The following ATMIN variants were observed in gnomAD, a reference collection of about 807,000 sequenced individuals.
ATMIN encodes the protein ATM INteracting protein.
ATMIN carries 24 observed loss-of-function variants against 49.2 expected under a neutral mutation model. The ratio of observed to expected loss-of-function variants is 0.49; its 90% CI spans 0.35 to 0.69. The LOEUF (loss-of-function observed/expected upper bound fraction) is 0.69. Among genes scored for constraint, ATMIN ranks in the 30% least tolerant of loss-of-function variants. ATMIN has a pLI of 0.00. For synonymous variants in ATMIN, 450 were observed against 392.5 expected, an observed-to-expected ratio of 1.15 and a Z score of -1.73; for missense variants, 1,037 against 1,005.5, an observed-to-expected ratio of 1.03 and a Z score of -0.42.
At position 81,046,217 on chromosome 16, in the gene ATMIN, A is replaced by AG. The variant is rs913509804; in HGVS notation, c.*1248dup. 6.6e-6 allele frequency: 1 copy of AG among 152,178 alleles called. No individual in the cohort carries two copies. Among genetic ancestry groups the AG allele is most frequent in the African/African-American group, 2.4e-5 (1 of 41,432 alleles). The allele number at this position is 152,178 out of a possible 1,614,324, so 9.4% of individuals were successfully genotyped here. The stretch of plus-strand genomic sequence containing the variant: ...AGTTTTGTCACTCTAAAATTAAACA[A>AG]GAAAAAAAGTGGGAAAAGGGCATCC... On this transcript the variant is annotated 3_prime_UTR_variant, in exon 4 of 4. Transcript: ENST00000299575.
intron 3 of ATMIN, 46 bp downstream of exon 3, chr16:81,042,526 G>T (rs1271027507): frequency 6.3e-7 from 1 of 1,580,596 alleles, no homozygotes; most frequent in South Asian, 1.1e-5. Flanking sequence ...GCTATGGGAA[G>T]CATTTCAGAT....
chr16:81,041,168 C>A, intron 1 of ATMIN, 188 bp from the exon 2 acceptor site: 1 of 559,506 alleles, frequency 1.8e-6, no homozygotes, highest in Non-Finnish European at 3.2e-6. Context: ...TAGAGTCTTG[C>A]TTAGTATTCT....
rs370091475 is a variant in ATMIN, at chr16:81,043,187, T to C, written c.689T>C (p.Met230Thr). The change falls in exon 4 of 4, where the codon ATG becomes ACG. Residue 230 changes from methionine (M) to threonine (T), a missense_variant. Transcript: ENST00000299575. ...GACCCACCTAGTAAGAAAAGGAAAA[T>C]GGAAAACTGTGCACAAAACCAGAAG... ...HRDPPSKKRK[M>T]ENCAQNQKLS... The C allele has an allele frequency of 6.2e-7, 1 of 1,606,380 alleles. No homozygotes were observed. Among genetic ancestry groups the C allele is most frequent in the Non-Finnish European group, 8.5e-7 (1 of 1,178,156 alleles).
Position 81,045,169 on chromosome 16 carries a change from T to C in ATMIN, c.*199T>C, listed in dbSNP as rs548644021. On this transcript the variant is annotated 3_prime_UTR_variant, in exon 4 of 4. Coordinates refer to ENST00000299575, the MANE Select transcript of ATMIN (RefSeq NM_015251.3). ...GAGTGTATTATAAAGTTTGAGATGT[T>C]GATCTAAATTGTTTTTGTGTTGCCT... 8.7e-5 allele frequency: 58 copies of C among 664,782 alleles called. No individual in the cohort carries two copies. Among genetic ancestry groups the C allele is most frequent in the Non-Finnish European group, 1.2e-4 (52 of 424,988 alleles). 41.2% of individuals were successfully genotyped at this position (664,782 alleles called of 1,614,324 possible).
At position 81,041,473 on chromosome 16, in the gene ATMIN, G is replaced by C. The variant is rs149521986; in HGVS notation, c.454G>C (p.Val152Leu). Residue 152 changes from valine to leucine, a missense_variant, in exon 2 of 4, where the codon GTA (valine) becomes CTA (leucine). By Grantham distance (32) the Val-to-Leu change is conservative. Transcript: ENST00000299575. ...GAGACCGTTTTCTCAGTTTTCTCTCGTAAAACAGGTACTCTCTACTCTGAG... is the reference window on the plus strand; with the variant it reads ...GAGACCGTTTTCTCAGTTTTCTCTCCTAAAACAGGTACTCTCTACTCTGAG... ...PERPFSQFSL[V>L]KQHFMKMHAE... 4 of 1,607,398 alleles carry C rather than the reference G, an allele frequency of 2.5e-6. No homozygotes were observed. Among genetic ancestry groups the C allele is most frequent in the South Asian group, 1.1e-5 (1 of 89,432 alleles).
rs771625282 is a variant in ATMIN, at chr16:81,044,319, G to A, written c.1821G>A (p.Leu607=). The A allele has an allele frequency of 4.3e-6, 7 of 1,613,962 alleles. No homozygotes were observed. The African/African-American group carries it at 8.0e-5, about 18-fold the overall frequency. ...CAAGTAATCTGCCTGCTCAGACATTGGATCATCGTAGTCTTTTGTCTGACA... is the reference window on the plus strand; with the variant it reads ...CAAGTAATCTGCCTGCTCAGACATTAGATCATCGTAGTCTTTTGTCTGACA... ...ILSSNLPAQT[L]DHRSLLSDTN... The change falls in exon 4 of 4, where the codon TTG becomes TTA. Residue 607 remains leucine (L), a synonymous_variant. Transcript: ENST00000299575.
intron 1 of ATMIN, among the ~76,000 whole-genome samples, chr16:81,039,700 G>A (rs897008637): frequency 6.6e-6 from 1 of 152,200 alleles, no homozygotes; most frequent in African/African-American, 2.4e-5. Context: ...CCTTGTGTGT[G>A]AAAGCAGTGG....
intron 1 of ATMIN, among the ~76,000 whole-genome samples, chr16:81,039,166 G>C (rs1049311695): frequency 6.6e-6 from 1 of 152,168 alleles, no homozygotes; most frequent in Non-Finnish European, 1.5e-5. Flanking sequence ...GGAACCGGGA[G>C]GAAGGCTGGC....
In ATMIN at chr16:81,035,862, G is replaced by C. The variant is rs1970915162; in HGVS notation, c.-9G>C. ...CCTACGAACTGGGCCGGGCGGCCGT[G>C]CGGGAGCCATGGCGGCCTCGGAGGC... On this transcript the variant is annotated 5_prime_UTR_variant, in exon 1 of 4. Coordinates refer to ENST00000299575, the MANE Select transcript of ATMIN (RefSeq NM_015251.3). 2.1e-5 allele frequency: 18 copies of C among 871,058 alleles called. No individual in the cohort carries two copies. Among genetic ancestry groups the C allele is most frequent in the Non-Finnish European group, 2.3e-5 (17 of 726,988 alleles). The allele number at this position is 871,058 out of a possible 1,614,324, so 54.0% of individuals were successfully genotyped here.
At chr16:81,039,123 C>G (rs1005382275) in intron 1 of ATMIN, among the ~76,000 whole-genome samples, 1 of 152,094 alleles carries the variant, frequency 6.6e-6, no homozygotes, top group Non-Finnish European at 1.5e-5. Context: ...TACCTGTTTT[C>G]AAAGTACTGG....
Position 81,044,775 on chromosome 16 carries a change from G to T in ATMIN, c.2277G>T (p.Gln759His), listed in dbSNP as rs201400382. 283 of 1,614,204 alleles carry T rather than the reference G, an allele frequency of 1.8e-4. 4 individuals are homozygous for T. The South Asian group carries it at 2.9e-3, about 17-fold the overall frequency. Residue 759 changes from glutamine to histidine, a missense_variant, in exon 4 of 4, where the codon CAG becomes CAT. Physicochemically the swap from Gln to His is conservative, Grantham distance 24. Transcript: ENST00000299575. ...KNIPALESKV[Q>H]LNSTETQTMS... ...TACCTGCTCTAGAAAGCAAAGTTCA[G>T]TTGAACAGTACAGAAACACAGACCA...
chr16:81,041,272 C>T, intron 1 of ATMIN, 84 bp from the exon 2 acceptor site: 7 of 1,415,424 alleles, frequency 4.9e-6, no homozygotes, highest in Non-Finnish European at 6.7e-6. Flanking sequence ...ACAAAATGTG[C>T]TCGTTTTCAG....
At chr16:81,041,559 A>G in intron 2 of ATMIN, 78 bp downstream of exon 2, 1 of 1,516,744 alleles carries the variant, frequency 6.6e-7, no homozygotes, top group Non-Finnish European at 8.8e-7. Context: ...ACATAACTAC[A>G]GAATTGAGTA....
At chr16:81,036,335 C>T (rs1970932516) in intron 1 of ATMIN, 129 bp downstream of exon 1, 1 of 900,810 alleles carries the variant, frequency 1.1e-6, no homozygotes, top group African/African-American at 1.8e-5. Flanking sequence ...GCCCCACCGG[C>T]CTCTGCCCTC....
chr16:81,043,096 T>C (rs761123843), intron 3 of ATMIN, 65 bp from the exon 4 acceptor site: 36 of 1,522,810 alleles, frequency 2.4e-5, no homozygotes, highest in Non-Finnish European at 1.7e-5. Flanking sequence ...TAAGTGAGGA[T>C]AGAGTGTCAT....
chr16:81,037,011 A>G (rs1970949002), intron 1 of ATMIN, among the ~76,000 whole-genome samples: 1 of 152,196 alleles, frequency 6.6e-6, no homozygotes, highest in African/African-American at 2.4e-5. Context: ...CACAGTAAAT[A>G]CACCATGACA....
rs548670342 is a variant in ATMIN, at chr16:81,041,061, G to A, written c.337-295G>A. ...AGTGATCCTAATCCGTGGTTTTCTG[G>A]AGCATTTCACAGCCTAGGAACATAC... On this transcript the variant is annotated intron_variant, in intron 1 of 3. Transcript: ENST00000299575. The A allele has an allele frequency of 1.6e-3, 460 of 287,692 alleles. 3 individuals carry two copies. Among genetic ancestry groups the A allele is most frequent in the Middle Eastern group, 0.011 (9 of 830 alleles). The allele number at this position is 287,692 out of a possible 1,614,324, so 17.8% of individuals were successfully genotyped here. A position where few individuals can be genotyped will look rare whatever the true frequency, so the allele number is the denominator to read the frequency against.
intron 1 of ATMIN, chr16:81,037,183 CT>C (rs1188284502): frequency 2.1e-5 from 21 of 985,358 alleles, no homozygotes; most frequent in Non-Finnish European, 2.4e-5. Context: ...CCTTCCACCA[CT>C]CTAGGCCAGC....
At chr16:81,042,516 G>A (rs369426319) in intron 3 of ATMIN, 36 bp downstream of exon 3, 6 of 1,593,178 alleles carry the variant, frequency 3.8e-6, no homozygotes, top group Non-Finnish European at 5.2e-6. Context: ...GAAGTCAGTA[G>A]CTATGGGAAG....
Sources: gnomAD v4.1 joint callset for allele counts (sites outside exome capture counted in the v4.1 genomes callset) on GRCh38, gnomAD v4.1.1 for gene constraint, MANE v1.5 for transcripts, NCBI Gene and HGNC (gene_info 2026-07-23, HGNC 2026-07-21) for gene names.